IL15RA: variants seen among roughly 807,000 people sequenced by gnomAD.
IL15RA encodes the protein interleukin 15 receptor subunit alpha.
A neutral mutation model predicts 24.2 loss-of-function variants in IL15RA; 26 were observed. The ratio of observed to expected loss-of-function variants is 1.07; its 90% CI spans 0.79 to 1.49. The LOEUF (loss-of-function observed/expected upper bound fraction) is 1.49, where lower values mean the gene tolerates loss of function less well. Ranked by LOEUF, IL15RA falls within the 40% of genes most tolerant of loss-of-function variation. The pLI is 0.00. For missense variants in IL15RA, 354 were observed against 356.4 expected, an observed-to-expected ratio of 0.99 and a Z score of 0.05; for synonymous variants, 166 against 157.6, an observed-to-expected ratio of 1.05 and a Z score of -0.40.
chr10:5,977,804 C>T, upstream of IL15RA: 1 of 445,808 alleles, frequency 2.2e-6, no homozygotes, highest in Non-Finnish European at 3.7e-6. Context: ...CCTCCCGGTC[C>T]TCCGCGCTCG....
chr10:5,963,707 G>C lies in IL15RA; in HGVS notation c.382+36C>G, dbSNP rs753989647. On this transcript the variant is annotated intron_variant, in intron 3 of 6. Coordinates refer to ENST00000379977, the MANE Select transcript of IL15RA (RefSeq NM_002189.4). The surrounding 1 kb of genome is among the most constrained non-coding windows in gnomAD (Gnocchi z 5.3). ...GAGCGGGCCTCTGGGTGTTGGGAGG[G>C]AATGAATGTCCTCGAGAAGTTTCTG... The C allele has an allele frequency of 3.3e-5, 45 of 1,364,542 alleles. No individual in the cohort carries two copies. Among genetic ancestry groups the C allele is most frequent in the Non-Finnish European group, 4.2e-5 (43 of 1,013,812 alleles). 84.5% of individuals were successfully genotyped at this position (1,364,542 alleles called of 1,614,324 possible).
At chr10:5,976,154 T>G (rs1488239285) in intron 1 of IL15RA, among the ~76,000 whole-genome samples, 1 of 152,144 alleles carries the variant, frequency 6.6e-6, no homozygotes, top group Non-Finnish European at 1.5e-5. Context: ...CCTGTGACAC[T>G]GCTAGCCAAC....
Position 5,959,301 on chromosome 10 carries a change from G to A in IL15RA, c.616+453C>T, listed in dbSNP as rs988685665. Reference sequence around the variant, plus strand: ...ATTACAGGTGTGAGCCACCATGCCTGGCCAAGAGTAGCATTTTATACCGAA... The same window carrying A: ...ATTACAGGTGTGAGCCACCATGCCTAGCCAAGAGTAGCATTTTATACCGAA... On this transcript the variant is annotated intron_variant, in intron 5 of 6. Transcript: ENST00000379977. This position sits in a 1 kb window ranked among gnomAD's most constrained non-coding sequence, Gnocchi z 4.1. Among the ~76,000 whole-genome samples the A allele has an allele frequency of 2.0e-5, 3 of 151,852 alleles. No homozygotes were observed. Among genetic ancestry groups the A allele is most frequent in the Admixed American group, 6.6e-5 (1 of 15,252 alleles).
chr10:5,970,416 C>T lies in IL15RA; in HGVS notation c.89-4077G>A, dbSNP rs1358790102. 1.3e-5 allele frequency among the ~76,000 whole-genome samples: 2 copies of T among 152,170 alleles called. No individual in the cohort carries two copies. The highest frequency in any genetic ancestry group is 4.8e-5 in the African/African-American group (2 of 41,446). On this transcript the variant is annotated intron_variant, in intron 1 of 6. Transcript: ENST00000379977. The surrounding 1 kb of genome is among the most constrained non-coding windows in gnomAD (Gnocchi z 4.1). ...TTTATCAGCTCAGGATTTTAAAAGG[C>T]ATTTGCACTATATTATTTATCATTT...
chr10:5,972,892 AG>A (rs1394426395), intron 1 of IL15RA, among the ~76,000 whole-genome samples: 5 of 152,354 alleles, frequency 3.3e-5, no homozygotes, highest in Admixed American at 1.3e-4. Context: ...TAAAATGGAT[AG>A]GAAATAAAAA....
chr10:5,977,565 C>T, upstream of IL15RA: 2 of 1,270,934 alleles, frequency 1.6e-6, no homozygotes, highest in Non-Finnish European at 2.0e-6. Context: ...GTGGCGAGCG[C>T]TGCTCTGGGA....
chr10:5,963,571 GA>G lies in IL15RA; in HGVS notation c.382+171del, dbSNP rs1186201089. 6.6e-6 allele frequency among the ~76,000 whole-genome samples: 1 copy of G among 152,202 alleles called. No homozygotes were observed. The highest frequency in any genetic ancestry group is 2.4e-5 in the African/African-American group (1 of 41,450). On this transcript the variant is annotated intron_variant, in intron 3 of 6. Coordinates refer to ENST00000379977, the MANE Select transcript of IL15RA (RefSeq NM_002189.4). This position sits in a 1 kb window ranked among gnomAD's most constrained non-coding sequence, Gnocchi z 5.3. ...CCTGGATATCAAGCAACTTTGATTTGAAAAAGAAAATTAAGTTGGACGTTCT... is the reference window on the plus strand; with the variant it reads ...CCTGGATATCAAGCAACTTTGATTTGAAAAGAAAATTAAGTTGGACGTTCT...
rs1254173358 is a variant in IL15RA, at chr10:5,975,683, T to A, written c.88+1722A>T. On this transcript the variant is annotated intron_variant, in intron 1 of 6. Coordinates refer to ENST00000379977, the MANE Select transcript of IL15RA (RefSeq NM_002189.4). This position sits in a 1 kb window ranked among gnomAD's most constrained non-coding sequence, Gnocchi z 4.8. Reference sequence around the variant, plus strand: ...GGGCAGATCACAAGGTCAGGAGTGATCACCATGTTGGATCAGCCTGACCAA... The same window carrying A: ...GGGCAGATCACAAGGTCAGGAGTGAACACCATGTTGGATCAGCCTGACCAA... Among the ~76,000 whole-genome samples the A allele has an allele frequency of 6.6e-6, 1 of 151,922 alleles. No individual in the cohort carries two copies. Among genetic ancestry groups the A allele is most frequent in the Admixed American group, 6.5e-5 (1 of 15,268 alleles).
At chr10:5,951,331 CA>C (rs200376834), downstream of IL15RA, among the ~76,000 whole-genome samples, 1,459 of 151,240 alleles carry the variant, frequency 9.6e-3, 22 homozygotes, top group African/African-American at 0.033. Context: ...CCCTCCCCCA[CA>C]AAAAAAGAAG....
At position 5,953,397 on chromosome 10, in the gene IL15RA, C is replaced by T. The variant is rs918188682; in HGVS notation, c.693-191G>A. ...GAGAACCTAGAATGCCTACCTCTAC[C>T]GAGTGTATTAAATCCTATCTAGGGG... On this transcript the variant is annotated intron_variant, in intron 6 of 6. Transcript: ENST00000379977. This position sits in a 1 kb window ranked among gnomAD's most constrained non-coding sequence, Gnocchi z 5.3. 1.7e-5 allele frequency: 12 copies of T among 710,458 alleles called. No homozygotes were observed. Among genetic ancestry groups the T allele is most frequent in the East Asian group, 2.7e-5 (1 of 37,284 alleles). 44.0% of individuals were successfully genotyped at this position (710,458 alleles called of 1,614,324 possible). A position where few individuals can be genotyped will look rare whatever the true frequency, so the allele number is the denominator to read the frequency against.
At chr10:5,969,061 T>G in intron 1 of IL15RA, 7 of 1,167,854 alleles carry the variant, frequency 6.0e-6, no homozygotes, top group Non-Finnish European at 8.4e-6. Context: ...ACCAATCGAT[T>G]CCATCGATCT....
Position 5,959,786 on chromosome 10 carries a change from C to A in IL15RA, c.584G>T (p.Gly195Val), listed in dbSNP as rs528238821. The part of the protein sequence containing the change: ...LTASASHQPP[G>V]VYPQGHSDTT... ...GTCGCTGTGGCCCTGTGGATACACA[C>A]CTGCGGAAAAGAGAGGACAGCATCA... Residue 195 changes from glycine (G) to valine (V), a missense_variant and splice_region_variant, in exon 5 of 7, where the codon GGT becomes GTT. Coordinates refer to ENST00000379977, the MANE Select transcript of IL15RA (RefSeq NM_002189.4). This position sits in a 1 kb window ranked among gnomAD's most constrained non-coding sequence, Gnocchi z 4.1. 2.0e-5 allele frequency: 33 copies of A among 1,613,990 alleles called. No homozygotes were observed. The East Asian group carries it at 6.5e-4, about 32-fold the overall frequency.
Position 5,953,327 on chromosome 10 carries a change from C to G in IL15RA, c.693-121G>C. 1.3e-6 allele frequency: 1 copy of G among 759,448 alleles called. No individual in the cohort carries two copies. Among genetic ancestry groups the G allele is most frequent in the Non-Finnish European group, 2.4e-6 (1 of 420,760 alleles). 47.0% of individuals were successfully genotyped at this position (759,448 alleles called of 1,614,324 possible). A position where few individuals can be genotyped will look rare whatever the true frequency, so the allele number is the denominator to read the frequency against. ...GGGATGGCAGGAGCAGACAGAGGCC[C>G]TGCCACGGGAGTCAGACAGAGAGCA... On this transcript the variant is annotated intron_variant, in intron 6 of 6. Transcript: ENST00000379977. This position sits in a 1 kb window ranked among gnomAD's most constrained non-coding sequence, Gnocchi z 5.3.
chr10:5,968,612 T>C lies in IL15RA; in HGVS notation c.89-2273A>G. The C allele has an allele frequency of 1.7e-6, 1 of 596,384 alleles. No individual in the cohort carries two copies. Among genetic ancestry groups the C allele is most frequent in the Non-Finnish European group, 3.0e-6 (1 of 334,018 alleles). The allele number at this position is 596,384 out of a possible 1,614,324, so 36.9% of individuals were successfully genotyped here. A position where few individuals can be genotyped will look rare whatever the true frequency, so the allele number is the denominator to read the frequency against. ...TGGTTACCTGCAGAGCCCCACTGGC[T>C]TTGAGGCCTCTGGTGCTATCTGGTG... is the stretch of plus-strand genomic sequence containing the variant. On this transcript the variant is annotated intron_variant, in intron 1 of 6. Transcript: ENST00000379977. This position sits in a 1 kb window ranked among gnomAD's most constrained non-coding sequence, Gnocchi z 5.4.
Position 5,961,545 on chromosome 10 carries a change from G to C in IL15RA, c.383-978C>G, listed in dbSNP as rs572384917. On this transcript the variant is annotated intron_variant, in intron 3 of 6. Transcript: ENST00000379977. This position sits in a 1 kb window ranked among gnomAD's most constrained non-coding sequence, Gnocchi z 5.2. ...TGCGCTGGCCGAGGACGCTCGGAGC[G>C]GCTGCGTGTGAAACACGGGAAGCCT... Among the ~76,000 whole-genome samples the C allele has an allele frequency of 6.6e-6, 1 of 152,248 alleles. No individual in the cohort carries two copies. Among genetic ancestry groups the C allele is most frequent in the Non-Finnish European group, 1.5e-5 (1 of 68,044 alleles).
chr10:5,968,837 T>A lies in IL15RA; in HGVS notation c.89-2498A>T, dbSNP rs1259761515. The A allele has an allele frequency of 1.1e-5, 9 of 854,124 alleles. No individual in the cohort carries two copies. The highest frequency in any genetic ancestry group is 1.7e-5 in the Non-Finnish European group (9 of 524,024). The allele number at this position is 854,124 out of a possible 1,614,324, so 52.9% of individuals were successfully genotyped here. A position where few individuals can be genotyped will look rare whatever the true frequency, so the allele number is the denominator to read the frequency against. On this transcript the variant is annotated intron_variant, in intron 1 of 6. Coordinates refer to ENST00000379977, the MANE Select transcript of IL15RA (RefSeq NM_002189.4). The surrounding 1 kb of genome is among the most constrained non-coding windows in gnomAD (Gnocchi z 5.4). ...GGGGGCAGTTTTCCATTGTCCTGAG[T>A]CTCACGCAGGCCTCGTGTGTCTGGA...
rs925674514 is a variant in IL15RA at position 5,964,818 on chromosome 10, C to T, written c.284-977G>A. 1.3e-5 allele frequency among the ~76,000 whole-genome samples: 2 copies of T among 152,218 alleles called. No individual in the cohort carries two copies. The highest frequency in any genetic ancestry group is 1.3e-4 in the Admixed American group (2 of 15,278). ...GGCAGAGTAAGACCCACCGTGGTTC[C>T]CACAGATCCTGCTCACCCCGCCACG... On this transcript the variant is annotated intron_variant, in intron 2 of 6. Coordinates refer to ENST00000379977, the MANE Select transcript of IL15RA (RefSeq NM_002189.4). The surrounding 1 kb of genome is among the most constrained non-coding windows in gnomAD (Gnocchi z 5.6).
rs935767490 is a variant in IL15RA at position 5,964,821 on chromosome 10, C to T, written c.284-980G>A. 2.0e-5 allele frequency among the ~76,000 whole-genome samples: 3 copies of T among 152,248 alleles called. No individual in the cohort carries two copies. Among genetic ancestry groups the T allele is most frequent in the Admixed American group, 1.3e-4 (2 of 15,284 alleles). On this transcript the variant is annotated intron_variant, in intron 2 of 6. Transcript: ENST00000379977. The surrounding 1 kb of genome is among the most constrained non-coding windows in gnomAD (Gnocchi z 5.6). ...AGAGTAAGACCCACCGTGGTTCCCA[C>T]AGATCCTGCTCACCCCGCCACGCTC...
intron 1 of IL15RA, among the ~76,000 whole-genome samples, chr10:5,972,699 GATC>G (rs1837810869): frequency 6.6e-6 from 1 of 152,086 alleles, no homozygotes; most frequent in African/African-American, 2.4e-5. Flanking sequence ...ACTACTTCTT[GATC>G]TTCTTCTAGT....
Sources: allele counts gnomAD v4.1 joint callset (sites outside exome capture counted in the v4.1 genomes callset), GRCh38; gene constraint gnomAD v4.1.1; non-coding constraint Gnocchi (gnomAD v3.1); transcripts MANE v1.5; gene names NCBI Gene and HGNC (gene_info 2026-07-23, HGNC 2026-07-21).